SLC44A2: variants seen among roughly 807,000 people sequenced by gnomAD.
The protein encoded by SLC44A2 is solute carrier family 44 member 2 (CTL2 blood group).
A neutral mutation model predicts 90.8 loss-of-function variants in SLC44A2; 57 were observed. The observed-to-expected ratio is 0.63, with a 90% CI of 0.51 to 0.78. The LOEUF (loss-of-function observed/expected upper bound fraction) is 0.78. Among genes scored for constraint, SLC44A2 ranks in the 30% least tolerant of loss-of-function variants. The pLI, the probability that SLC44A2 is intolerant of heterozygous loss-of-function variation, is 0.00. For missense variants in SLC44A2, 794 were observed against 919.7 expected (o/e 0.86, Z 1.77); for synonymous variants, 355 against 360.7 (o/e 0.98, Z 0.18).
chr19:10,637,244 C>T (rs956105525), intron 16 of SLC44A2: 5 of 242,318 alleles, frequency 2.1e-5, no homozygotes, highest in Admixed American at 5.2e-5. Context: ...CCTAGCTACA[C>T]GGGAGGCTGA....
At chr19:10,614,857 G>C (rs1055234043) in intron 1 of SLC44A2, among the ~76,000 whole-genome samples, 1 of 151,438 alleles carries the variant, frequency 6.6e-6, no homozygotes, top group Non-Finnish European at 1.5e-5. Context: ...TGTAATCCCA[G>C]GTACTTGGGA....
Position 10,637,946 on chromosome 19 carries a change from A to G in SLC44A2, c.1769+17A>G. ...CATCATCAGGTCGGGAATCATTATCATCTTCCTCCTGCCACCCGCCTCTTC... is the reference window on the plus strand; with the variant it reads ...CATCATCAGGTCGGGAATCATTATCGTCTTCCTCCTGCCACCCGCCTCTTC... On this transcript the variant is annotated intron_variant, in intron 18 of 21. Coordinates refer to ENST00000335757, the MANE Select transcript of SLC44A2 (RefSeq NM_020428.4). 2 of 1,613,924 alleles carry G rather than the reference A, an allele frequency of 1.2e-6. No individual in the cohort carries two copies. The highest frequency in any genetic ancestry group is 1.7e-6 in the Non-Finnish European group (2 of 1,179,954).
chr19:10,617,455 C>A (rs2066864825), intron 1 of SLC44A2, among the ~76,000 whole-genome samples: 1 of 150,746 alleles, frequency 6.6e-6, no homozygotes, highest in African/African-American at 2.5e-5. Context: ...ATGCCAGGCA[C>A]CTCTCTCTGC....
intron 20 of SLC44A2, among the ~76,000 whole-genome samples, chr19:10,640,239 T>A (rs2067101429): frequency 6.6e-6 from 1 of 151,970 alleles, no homozygotes; most frequent in Admixed American, 6.6e-5. Context: ...TACAGGCATA[T>A]GCCACTGTGC....
At chr19:10,619,029 ATCACAGC>A (rs2066878291) in intron 1 of SLC44A2, among the ~76,000 whole-genome samples, 1 of 148,676 alleles carries the variant, frequency 6.7e-6, no homozygotes. Context: ...CAGTGGCGCA[ATCACAGC>A]TCCCTGAAAC....
At position 10,616,142 on chromosome 19, in the gene SLC44A2, GAA is replaced by G. The variant is rs556628556; in HGVS notation, c.32-10098_32-10097del. ...GTGACAGTGAGACCCTGTCTCCAAA[GAA>G]AAAAAAAAAAAAGGATGAAATGAGG... is the stretch of plus-strand genomic sequence containing the variant. On this transcript the variant is annotated intron_variant, in intron 1 of 21. Transcript: ENST00000407327. Among the ~76,000 whole-genome samples the G allele has an allele frequency of 5.4e-3, 531 of 98,884 alleles. 3 individuals are homozygous for G. Among genetic ancestry groups the G allele is most frequent in the African/African-American group, 0.017 (463 of 26,542 alleles). 64.9% of individuals were successfully genotyped at this position (98,884 alleles called of 152,430 possible). A position where few individuals can be genotyped will look rare whatever the true frequency, so the allele number is the denominator to read the frequency against.
chr19:10,621,369 TGAAA>T (rs2066893265), upstream of SLC44A2, among the ~76,000 whole-genome samples: 1 of 139,684 alleles, frequency 7.2e-6, no homozygotes, highest in African/African-American at 2.7e-5. Flanking sequence ...AAAAAAAAAA[TGAAA>T]GAAAGAAAAG....
At chr19:10,635,638 G>A in intron 14 of SLC44A2, 123 bp downstream of exon 14, 1 of 843,692 alleles carries the variant, frequency 1.2e-6, no homozygotes. Context: ...CCTGTGCTAG[G>A]TGTGGGGGAG....
rs376507585 is a variant in SLC44A2, at chr19:10,627,862, G to A, written c.161-58G>A. The A allele has an allele frequency of 1.7e-5, 27 of 1,611,320 alleles. No individual in the cohort carries two copies. In the African/African-American group the frequency reaches 3.3e-4, roughly 20 times the overall value. On this transcript the variant is annotated intron_variant, in intron 3 of 21. Coordinates refer to ENST00000335757, the MANE Select transcript of SLC44A2 (RefSeq NM_020428.4). ...GGAGGCAGCCATGGCCTCTGGAGTG[G>A]GAACAGGGCTGGATCTGAGGAGTGG... is the stretch of plus-strand genomic sequence containing the variant.
chr19:10,642,918 A>G (rs1013871522), intron 21 of SLC44A2: 2 of 1,593,494 alleles, frequency 1.3e-6, no homozygotes, highest in Admixed American at 3.4e-5. Context: ...GAAAGGAATG[A>G]CGGCTCTCAG....
At chr19:10,623,592 G>A (rs148779157), upstream of SLC44A2, among the ~76,000 whole-genome samples, 635 of 152,180 alleles carry the variant, frequency 4.2e-3, 5 homozygotes, top group African/African-American at 0.015. Context: ...TGCAATCCCA[G>A]CACTTTGGGA....
chr19:10,642,200 G>T, intron 20 of SLC44A2, 167 bp from the exon 21 acceptor site: 1 of 580,594 alleles, frequency 1.7e-6, no homozygotes, highest in East Asian at 3.0e-5. Context: ...AGGATTTTGT[G>T]TGGATGGTGG....
Position 10,636,718 on chromosome 19 carries a change from T to A in SLC44A2, c.1553T>A (p.Ile518Asn). The change falls in exon 16 of 22, where the codon ATC (isoleucine) becomes AAC (asparagine). Residue 518 changes from isoleucine to asparagine, a missense_variant. Physicochemically the swap from Ile to Asn is moderately radical, Grantham distance 149. Coordinates refer to ENST00000335757, the MANE Select transcript of SLC44A2 (RefSeq NM_020428.4). ...GALILAIVQI[I>N]RVILEYLDQR... Reference sequence around the variant, plus strand: ...CTCATCCTGGCCATTGTGCAGATCATCCGTGTGATACTCGAGTACCTGGAT... The same window carrying A: ...CTCATCCTGGCCATTGTGCAGATCAACCGTGTGATACTCGAGTACCTGGAT... 6.2e-7 allele frequency: 1 copy of A among 1,613,930 alleles called. No homozygotes were observed. The highest frequency in any genetic ancestry group is 2.2e-5 in the East Asian group (1 of 44,866).
intron 1 of SLC44A2, among the ~76,000 whole-genome samples, chr19:10,617,048 A>G (rs2066860826): frequency 2.0e-5 from 3 of 151,828 alleles, no homozygotes; most frequent in African/African-American, 7.3e-5. Flanking sequence ...CAGCCTCCTT[A>G]GTAGCTGAGA....
chr19:10,619,365 T>A (rs753552547), intron 1 of SLC44A2, among the ~76,000 whole-genome samples: 9 of 149,044 alleles, frequency 6.0e-5, no homozygotes, highest in Non-Finnish European at 1.2e-4. Flanking sequence ...GGGGTAGAGG[T>A]TGCAGTGAGC....
In SLC44A2 at chr19:10,632,060, A is replaced by G; in HGVS notation, c.727A>G (p.Met243Val). ...TTTCCCCAGAGGCCTGGTCATTGCC[A>G]TGGCGATGAGCCTCCTGTTCATCAT... ...YWIIIGLVIAMAMSLLFIILL... is the reference protein window; with the variant it reads ...YWIIIGLVIAVAMSLLFIILL... The change falls in exon 10 of 22, where the codon ATG (methionine) becomes GTG (valine). Residue 243 changes from methionine to valine, a missense_variant. Around this residue, in one of 3 missense-constraint regions of SLC44A2, gnomAD observed 738 missense variants for 841.1 expected, o/e 0.88. Transcript: ENST00000335757. The G allele has an allele frequency of 6.2e-7, 1 of 1,614,100 alleles. No individual in the cohort carries two copies. The highest frequency in any genetic ancestry group is 8.5e-7 in the Non-Finnish European group (1 of 1,180,022).
At chr19:10,625,484 C>T (rs2066922340), upstream of SLC44A2, 2 of 1,219,338 alleles carry the variant, frequency 1.6e-6, no homozygotes, top group Admixed American at 8.6e-5. Context: ...CCAGCTCGGG[C>T]CGGTCTGACC....
In SLC44A2 at chr19:10,637,720, A is replaced by G. The variant is rs2067073417; in HGVS notation, c.1668A>G (p.Lys556=). The G allele has an allele frequency of 1.2e-6, 2 of 1,614,128 alleles. No homozygotes were observed. Among genetic ancestry groups the G allele is most frequent in the Non-Finnish European group, 1.7e-6 (2 of 1,180,026 alleles). ...CCFWCLEKFI[K]FLNRNAYIMI... ...TCTGGTGCCTGGAGAAGTTCATCAAATTCCTTAATAGGAATGCCTACATCA... is the reference window on the plus strand; with the variant it reads ...TCTGGTGCCTGGAGAAGTTCATCAAGTTCCTTAATAGGAATGCCTACATCA... The change falls in exon 17 of 22, where the codon AAA becomes AAG. Residue 556 remains lysine, a synonymous_variant. Coordinates refer to ENST00000335757, the MANE Select transcript of SLC44A2 (RefSeq NM_020428.4).
intron 1 of SLC44A2, among the ~76,000 whole-genome samples, chr19:10,608,871 G>T (rs1918196138): frequency 1.3e-5 from 2 of 151,014 alleles, no homozygotes; most frequent in Admixed American, 1.3e-4. Flanking sequence ...GGCTGGTCTG[G>T]AACTCCTGGG....
Sources: allele counts gnomAD v4.1 joint callset (sites outside exome capture counted in the v4.1 genomes callset), GRCh38; gene constraint gnomAD v4.1.1; regional missense constraint gnomAD v4.1.1; transcripts MANE v1.5; gene names NCBI Gene and HGNC (gene_info 2026-07-23, HGNC 2026-07-21).